ADRA1B: variants seen among roughly 807,000 people sequenced by gnomAD.
ADRA1B encodes alpha-1B adrenergic receptor.
ADRA1B carries 17 observed loss-of-function variants against 17.9 expected under a neutral mutation model. The observed-to-expected ratio is 0.95, with a 90% CI of 0.65 to 1.42. The LOEUF (loss-of-function observed/expected upper bound fraction) is 1.42, where lower values mean the gene tolerates loss of function less well. ADRA1B is among the 40% of genes most tolerant of loss of function. The pLI is 0.00. For missense variants in ADRA1B, 681 were observed against 722.1 expected, an observed-to-expected ratio of 0.94 and a Z score of 0.65; for synonymous variants, 366 against 327.6, an observed-to-expected ratio of 1.12 and a Z score of -1.27.
chr5:159,926,350 ATG>A (rs2113183935), intron 1 of ADRA1B, among the ~76,000 whole-genome samples: 1 of 152,104 alleles, frequency 6.6e-6, no homozygotes, highest in Non-Finnish European at 1.5e-5. Flanking sequence ...GGTGCTTGTC[ATG>A]TTTCTCTCTG....
At chr5:159,901,144 A>C (rs1430283082) in intron 1 of ADRA1B, among the ~76,000 whole-genome samples, 1 of 151,638 alleles carries the variant, frequency 6.6e-6, no homozygotes, top group African/African-American at 2.4e-5. Context: ...ATTAACTTAT[A>C]ATTATTTATT....
chr5:159,908,363 T>C (rs1431654493), intron 1 of ADRA1B, among the ~76,000 whole-genome samples: 1 of 152,212 alleles, frequency 6.6e-6, no homozygotes, highest in Non-Finnish European at 1.5e-5. Context: ...AGTCTCATGT[T>C]GAAATTCGAT....
At chr5:159,882,932 G>A (rs1753877688) in intron 1 of ADRA1B, among the ~76,000 whole-genome samples, 1 of 152,144 alleles carries the variant, frequency 6.6e-6, no homozygotes, top group Admixed American at 6.5e-5. Context: ...GCCATGGCTG[G>A]AATAAATGAA....
upstream of ADRA1B, among the ~76,000 whole-genome samples, chr5:159,914,097 A>AGG (rs1754254689): frequency 6.6e-6 from 1 of 152,218 alleles, no homozygotes; most frequent in Non-Finnish European, 1.5e-5. Context: ...AAAGGATAGC[A>AGG]GGTGCCTTCG....
chr5:159,938,292 A>T (rs956218672), intron 1 of ADRA1B, among the ~76,000 whole-genome samples: 1 of 152,210 alleles, frequency 6.6e-6, no homozygotes, highest in African/African-American at 2.4e-5. Context: ...GTGTTAATTC[A>T]TAATAATGGT....
At chr5:159,964,327 C>A (rs1193906717) in intron 1 of ADRA1B, among the ~76,000 whole-genome samples, 2 of 152,200 alleles carry the variant, frequency 1.3e-5, no homozygotes, top group Admixed American at 1.3e-4. Context: ...GCTAATCTCC[C>A]TTTTCGAGAA....
chr5:159,885,942 A>G (rs1490337618), intron 1 of ADRA1B, among the ~76,000 whole-genome samples: 3 of 152,190 alleles, frequency 2.0e-5, no homozygotes, highest in African/African-American at 7.2e-5. Flanking sequence ...GAGAAATTAA[A>G]TGACTTTCTC....
At chr5:159,893,428 A>C (rs1161182888) in intron 1 of ADRA1B, among the ~76,000 whole-genome samples, 1 of 152,206 alleles carries the variant, frequency 6.6e-6, no homozygotes, top group African/African-American at 2.4e-5. Context: ...ATGAGAATGG[A>C]GAGGCAGCTT....
intron 1 of ADRA1B, among the ~76,000 whole-genome samples, chr5:159,947,462 C>T (rs1755307294): frequency 6.6e-6 from 1 of 152,162 alleles, no homozygotes; most frequent in Non-Finnish European, 1.5e-5. Flanking sequence ...CACCAAATCC[C>T]ATGCTTATTT....
chr5:159,980,062 C>G, the ADRA1B span, among the ~76,000 whole-genome samples: 2 of 151,706 alleles, frequency 1.3e-5, no homozygotes, highest in Non-Finnish European at 2.9e-5. Flanking sequence ...GAGGGAAAGT[C>G]GTGTTTCATG....
the ADRA1B span, among the ~76,000 whole-genome samples, chr5:159,984,645 C>T: frequency 2.0e-5 from 3 of 152,010 alleles, no homozygotes; most frequent in African/African-American, 7.3e-5. Flanking sequence ...CGCCTGTAAT[C>T]CTAGCACTTT....
At position 159,917,413 on chromosome 5, in the gene ADRA1B, T is replaced by C; in HGVS notation, c.508T>C (p.Trp170Arg). Residue 170 changes from tryptophan to arginine, a missense_variant, in exon 1 of 2, where the codon TGG becomes CGG. This residue lies in a region of ADRA1B where 424 missense variants were observed against 480.2 expected (regional missense o/e 0.88). Coordinates refer to ENST00000306675, the MANE Select transcript of ADRA1B (RefSeq NM_000679.4). ...GGCCATCTTGGCGCTGCTCAGTGTC[T>C]GGGTCTTGTCCACCGTCATCTCCAT... Reference protein sequence around the residue: ...RKAILALLSVWVLSTVISIGP... With the variant: ...RKAILALLSVRVLSTVISIGP... 1 of 1,614,162 alleles carries C rather than the reference T, an allele frequency of 6.2e-7. No homozygotes were observed. Among genetic ancestry groups the C allele is most frequent in the Non-Finnish European group, 8.5e-7 (1 of 1,180,038 alleles).
chr5:159,950,327 C>G (rs1755399070), intron 1 of ADRA1B, among the ~76,000 whole-genome samples: 1 of 152,066 alleles, frequency 6.6e-6, no homozygotes, highest in Non-Finnish European at 1.5e-5. Flanking sequence ...TAGTACATGA[C>G]AAGGTGGGGC....
chr5:159,949,547 T>C (rs1755367842), intron 1 of ADRA1B, among the ~76,000 whole-genome samples: 1 of 152,224 alleles, frequency 6.6e-6, no homozygotes, highest in Non-Finnish European at 1.5e-5. Flanking sequence ...AAACTAAAAC[T>C]AAAAGCAGGA....
Position 159,917,190 on chromosome 5 carries a change from C to T in ADRA1B, c.285C>T (p.Ser95=). 1.1e-5 allele frequency: 17 copies of T among 1,614,208 alleles called. No homozygotes were observed. The highest frequency in any genetic ancestry group is 1.4e-5 in the Non-Finnish European group (17 of 1,180,038). The change falls in exon 1 of 2, where the codon AGC becomes AGT. Residue 95 remains serine, a synonymous_variant. Coordinates refer to ENST00000306675, the MANE Select transcript of ADRA1B (RefSeq NM_000679.4). The part of the protein sequence containing the change: ...VNLAMADLLL[S]FTVLPFSAAL... ...TGGCCATGGCCGACCTGCTGTTGAG[C>T]TTCACCGTCCTGCCCTTCTCAGCGG...
intron 1 of ADRA1B, among the ~76,000 whole-genome samples, chr5:159,929,262 C>T (rs1345824262): frequency 6.6e-6 from 1 of 151,980 alleles, no homozygotes; most frequent in Non-Finnish European, 1.5e-5. Flanking sequence ...TAAATAACTA[C>T]TATAATTTTG....
At chr5:159,873,867 A>T (rs1753775322) in intron 1 of ADRA1B, among the ~76,000 whole-genome samples, 1 of 152,116 alleles carries the variant, frequency 6.6e-6, no homozygotes. Flanking sequence ...TTTGATGATG[A>T]TCCATTGCTT....
At chr5:159,930,961 A>G (rs1187578965) in intron 1 of ADRA1B, among the ~76,000 whole-genome samples, 1 of 148,334 alleles carries the variant, frequency 6.7e-6, no homozygotes, top group Non-Finnish European at 1.5e-5. Flanking sequence ...GTTCTTAGTC[A>G]TTTTCAATCT....
intron 1 of ADRA1B, among the ~76,000 whole-genome samples, chr5:159,943,160 C>T (rs911876276): frequency 4.6e-5 from 7 of 150,838 alleles, no homozygotes; most frequent in African/African-American, 1.7e-4. Context: ...TGCAGTGAGG[C>T]GAGATTGCGC....
Sources: gnomAD v4.1 joint callset for allele counts (sites outside exome capture counted in the v4.1 genomes callset) on GRCh38, gnomAD v4.1.1 for gene constraint, gnomAD v4.1.1 regional missense constraint, MANE v1.5 for transcripts, NCBI Gene and HGNC (gene_info 2026-07-23, HGNC 2026-07-21) for gene names.